The following PLEKHG4B variants were observed in gnomAD, a reference collection of about 807,000 sequenced individuals.
PLEKHG4B encodes pleckstrin homology domain-containing family G member 4B.
PLEKHG4B carries 111 observed loss-of-function variants against 121.3 expected under a neutral mutation model. The ratio of observed to expected loss-of-function variants is 0.92; its 90% CI spans 0.78 to 1.07. PLEKHG4B has a LOEUF of 1.07. Ranked by LOEUF, PLEKHG4B falls within the 50% of genes least tolerant of loss-of-function variation. The pLI is 0.00. For missense variants in PLEKHG4B, 1,831 were observed against 1,757.8 expected, an observed-to-expected ratio of 1.04 and a Z score of -0.74; for synonymous variants, 738 against 725.0, an observed-to-expected ratio of 1.02 and a Z score of -0.29.
In PLEKHG4B at chr5:135,683, ATATATATATATAT is replaced by A. The variant is rs1437845389; in HGVS notation, c.244-3799_244-3787del. On this transcript the variant is annotated intron_variant, in intron 2 of 19. Coordinates refer to ENST00000637938, the MANE Select transcript of PLEKHG4B (RefSeq NM_052909.5). ...TCCATCTCAAAAAAAAAAAAAAAAAATATATATATATATATATATATATATATATATATATATA... is the reference window on the plus strand; with the variant it reads ...TCCATCTCAAAAAAAAAAAAAAAAAAATATATATATATATATATATATATA... Among the ~76,000 whole-genome samples, 38 of 16,116 alleles carry A rather than the reference ATATATATATATAT, an allele frequency of 2.4e-3. 1 individual carries two copies. Among genetic ancestry groups the A allele is most frequent in the African/African-American group, 5.3e-3 (23 of 4,326 alleles). The allele number at this position is 16,116 out of a possible 152,430, so 10.6% of individuals were successfully genotyped here.
intron 2 of PLEKHG4B, among the ~76,000 whole-genome samples, chr5:135,187 C>CAAAAAAAAAAAAAAAAAAAAAAAAAAAA (rs35601775): frequency 4.1e-5 from 2 of 48,780 alleles, no homozygotes; most frequent in African/African-American, 1.3e-4. Flanking sequence ...GACTCCAGCT[C>CAAAAAAAAAAAAAAAAAAAAAAAAAAAA]AAAAAAAAAA....
At chr5:178,651 G>A (rs1357420475) in intron 18 of PLEKHG4B, among the ~76,000 whole-genome samples, 2 of 152,122 alleles carry the variant, frequency 1.3e-5, no homozygotes, top group Non-Finnish European at 2.9e-5. Context: ...AAATTAGTAG[G>A]TGCATAGTAA....
In PLEKHG4B at chr5:139,442, T is replaced by C. The variant is rs2126395922; in HGVS notation, c.244-41T>C. 5.0e-6 allele frequency: 2 copies of C among 398,874 alleles called. No individual in the cohort carries two copies. Among genetic ancestry groups the C allele is most frequent in the Admixed American group, 4.4e-5 (1 of 22,734 alleles). 24.7% of individuals were successfully genotyped at this position (398,874 alleles called of 1,614,324 possible). A position where few individuals can be genotyped will look rare whatever the true frequency, so the allele number is the denominator to read the frequency against. ...CCAGGGCATGGAAGGGCTCAGGACA[T>C]GGCCGTGCCCACCACTAACCTCCCT... On this transcript the variant is annotated intron_variant, in intron 2 of 19. Transcript: ENST00000637938. The surrounding 1 kb of genome is among the most constrained non-coding windows in gnomAD (Gnocchi z 5.0).
rs1157813328 is a variant in PLEKHG4B at position 165,228 on chromosome 5, C to T, written c.3476+1680C>T. 5.6e-4 allele frequency among the ~76,000 whole-genome samples: 15 copies of T among 26,952 alleles called. No individual in the cohort carries two copies. In the East Asian group the frequency reaches 7.4e-3, roughly 13 times the overall value. 17.7% of individuals were successfully genotyped at this position (26,952 alleles called of 152,430 possible). A position where few individuals can be genotyped will look rare whatever the true frequency, so the allele number is the denominator to read the frequency against. ...AGCTCACACTAATGCTCTGACGGGGCGGAGCTCACACTAATGCTCTGACGG... is the reference window on the plus strand; with the variant it reads ...AGCTCACACTAATGCTCTGACGGGGTGGAGCTCACACTAATGCTCTGACGG... On this transcript the variant is annotated intron_variant, in intron 13 of 19. Transcript: ENST00000637938.
In PLEKHG4B at chr5:182,740, A is replaced by G. The variant is rs1247598703; in HGVS notation, c.*417A>G. The G allele has an allele frequency of 9.6e-6, 2 of 208,194 alleles. No individual in the cohort carries two copies. The highest frequency in any genetic ancestry group is 2.0e-5 in the Non-Finnish European group (2 of 100,870). The allele number at this position is 208,194 out of a possible 1,614,324, so 12.9% of individuals were successfully genotyped here. A position where few individuals can be genotyped will look rare whatever the true frequency, so the allele number is the denominator to read the frequency against. ...CTTGAGAGTTTGCAGGCCTCAGTGCAGGGAGGGGCCCAGGAAGAGCCCAGC... is the reference window on the plus strand; with the variant it reads ...CTTGAGAGTTTGCAGGCCTCAGTGCGGGGAGGGGCCCAGGAAGAGCCCAGC... On this transcript the variant is annotated 3_prime_UTR_variant, in exon 20 of 20. Transcript: ENST00000637938.
chr5:155,529 T>G lies in PLEKHG4B; in HGVS notation c.2208+86T>G. 9.8e-6 allele frequency: 10 copies of G among 1,017,720 alleles called. No individual in the cohort carries two copies. In the South Asian group the frequency reaches 1.3e-4, roughly 13 times the overall value. The allele number at this position is 1,017,720 out of a possible 1,614,324, so 63.0% of individuals were successfully genotyped here. A position where few individuals can be genotyped will look rare whatever the true frequency, so the allele number is the denominator to read the frequency against. Reference sequence around the variant, plus strand: ...GTTAGCCAAACTTGAAAATAAATATTTGGTTCACTATCATCTGTAGCAGAG... The same window carrying G: ...GTTAGCCAAACTTGAAAATAAATATGTGGTTCACTATCATCTGTAGCAGAG... On this transcript the variant is annotated intron_variant, in intron 9 of 19. Coordinates refer to ENST00000637938, the MANE Select transcript of PLEKHG4B (RefSeq NM_052909.5).
At chr5:162,263 G>A (rs1047421836) in intron 12 of PLEKHG4B, among the ~76,000 whole-genome samples, 12 of 70,558 alleles carry the variant, frequency 1.7e-4, no homozygotes, top group African/African-American at 6.8e-4. Context: ...GCTCGCCTGC[G>A]AGCTCCCACG....
At chr5:117,901 A>G (rs1315976659) in intron 2 of PLEKHG4B, among the ~76,000 whole-genome samples, 1 of 152,200 alleles carries the variant, frequency 6.6e-6, no homozygotes, top group African/African-American at 2.4e-5. Flanking sequence ...ATATAGAAAC[A>G]GGATATTTCC....
chr5:161,234 C>A (rs747543072), intron 11 of PLEKHG4B, among the ~76,000 whole-genome samples: 6 of 152,282 alleles, frequency 3.9e-5, no homozygotes, highest in South Asian at 2.1e-4. Context: ...GGGGCTCCCC[C>A]ATCTTTCCCA....
rs191236872 is a variant in PLEKHG4B at position 104,565 on chromosome 5, A to G, written c.46-8686A>G. On this transcript the variant is annotated intron_variant, in intron 1 of 19. Transcript: ENST00000637938. ...TATTAAAATAATTTTCTTCATCGCAATAGATAATAAAGCTGATTTTTTTTA... is the reference window on the plus strand; with the variant it reads ...TATTAAAATAATTTTCTTCATCGCAGTAGATAATAAAGCTGATTTTTTTTA... Among the ~76,000 whole-genome samples the G allele has an allele frequency of 5.3e-5, 8 of 152,360 alleles. No individual in the cohort carries two copies. The East Asian group carries it at 1.3e-3, about 26-fold the overall frequency.
At chr5:171,557 C>T in intron 16 of PLEKHG4B, 113 bp downstream of exon 16, 2 of 1,108,084 alleles carry the variant, frequency 1.8e-6, no homozygotes, top group Non-Finnish European at 2.5e-6. Flanking sequence ...GGCAGATTTG[C>T]CCCGGAGAAG....
rs1035936267 is a variant in PLEKHG4B, at chr5:189,217, A to C, written c.*6894A>C. ...ACTCAGCAGTGCCTGCCAGCTGCAG[A>C]CCCCCATGCTCCTGCAGCCTGGAAC... On this transcript the variant is annotated 3_prime_UTR_variant, in exon 20 of 20. Coordinates refer to ENST00000637938, the MANE Select transcript of PLEKHG4B (RefSeq NM_052909.5). The C allele has an allele frequency of 2.6e-5, 4 of 152,172 alleles. No individual in the cohort carries two copies. The highest frequency in any genetic ancestry group is 4.4e-5 in the Non-Finnish European group (3 of 68,134). 9.4% of individuals were successfully genotyped at this position (152,172 alleles called of 1,614,324 possible).
At chr5:132,590 C>T (rs1277080619) in intron 2 of PLEKHG4B, among the ~76,000 whole-genome samples, 3 of 152,226 alleles carry the variant, frequency 2.0e-5, no homozygotes, top group South Asian at 2.1e-4. Flanking sequence ...GATGAGGATC[C>T]GGTTTTGTTC....
chr5:163,143 A>G lies in PLEKHG4B; in HGVS notation c.3071A>G (p.Glu1024Gly). The change falls in exon 13 of 20, where the codon GAG becomes GGG. Residue 1024 changes from glutamate (E) to glycine (G), a missense_variant. Physicochemically the swap from Glu to Gly is moderately conservative, Grantham distance 98 (BLOSUM62 -2). Coordinates refer to ENST00000637938, the MANE Select transcript of PLEKHG4B (RefSeq NM_052909.5). ...GRALLCGQDG[E>G]TLRPGLCALW... ...GCGCTTCTGTGTGGACAGGACGGGGAGACCCTGCGCCCAGGGCTGTGTGCT... is the reference window on the plus strand; with the variant it reads ...GCGCTTCTGTGTGGACAGGACGGGGGGACCCTGCGCCCAGGGCTGTGTGCT... The G allele has an allele frequency of 6.4e-7, 1 of 1,556,938 alleles. No individual in the cohort carries two copies. The highest frequency in any genetic ancestry group is 1.4e-5 in the African/African-American group (1 of 73,438).
chr5:99,776 T>C (rs533681997), intron 1 of PLEKHG4B, among the ~76,000 whole-genome samples: 11 of 152,238 alleles, frequency 7.2e-5, no homozygotes, highest in Admixed American at 7.2e-4. Flanking sequence ...TGAATAGAGG[T>C]GTAGAAAGCA....
intron 16 of PLEKHG4B, 72 bp downstream of exon 16, chr5:171,516 C>A: frequency 7.4e-7 from 1 of 1,359,582 alleles, no homozygotes; most frequent in South Asian, 1.4e-5. Flanking sequence ...AAGTCTTGGC[C>A]CCAGCAGCAC....
intron 1 of PLEKHG4B, among the ~76,000 whole-genome samples, chr5:96,643 A>G (rs1206896077): frequency 6.6e-6 from 1 of 152,220 alleles, no homozygotes; most frequent in Non-Finnish European, 1.5e-5. Flanking sequence ...GTAGGACCAC[A>G]TTGGGCATAG....
At chr5:174,803 T>C (rs1736701825) in intron 18 of PLEKHG4B, among the ~76,000 whole-genome samples, 1 of 152,124 alleles carries the variant, frequency 6.6e-6, no homozygotes, top group African/African-American at 2.4e-5. Context: ...CAGGGCTCTC[T>C]GGTCTGAGCC....
At chr5:153,335 G>A (rs1317587286) in intron 7 of PLEKHG4B, among the ~76,000 whole-genome samples, 1 of 152,160 alleles carries the variant, frequency 6.6e-6, no homozygotes, top group Non-Finnish European at 1.5e-5. Context: ...GATTCATGAT[G>A]TGTCACATAA....
Sources: gnomAD v4.1 joint callset for allele counts (sites outside exome capture counted in the v4.1 genomes callset) on GRCh38, gnomAD v4.1.1 for gene constraint, Gnocchi (gnomAD v3.1) non-coding constraint, MANE v1.5 for transcripts, NCBI Gene and HGNC (gene_info 2026-07-23, HGNC 2026-07-21) for gene names.